VAC14: variants seen among roughly 807,000 people sequenced by gnomAD.
VAC14 encodes VAC14 component of PIKFYVE complex.
A neutral mutation model predicts 85.3 loss-of-function variants in VAC14; 47 were observed. The ratio of observed to expected loss-of-function variants is 0.55; its 90% CI spans 0.44 to 0.70. The LOEUF (loss-of-function observed/expected upper bound fraction) is 0.70. Among genes scored for constraint, VAC14 ranks in the 30% least tolerant of loss-of-function variants. VAC14 has a pLI of 0.00. For synonymous variants in VAC14, 447 were observed against 430.5 expected (o/e 1.04, Z -0.47); for missense variants, 861 against 1,004.3 (o/e 0.86, Z 1.93).
At chr16:70,700,939 G>A (rs949008288) in intron 14 of VAC14, among the ~76,000 whole-genome samples, 2 of 152,250 alleles carry the variant, frequency 1.3e-5, no homozygotes, top group Non-Finnish European at 2.9e-5. Flanking sequence ...GGGCAGGGTG[G>A]TGCCCATGTG....
intron 13 of VAC14, among the ~76,000 whole-genome samples, chr16:70,740,644 G>T (rs1418906853): frequency 6.6e-6 from 1 of 152,206 alleles, no homozygotes; most frequent in African/African-American, 2.4e-5. Flanking sequence ...AAAAGGAGGA[G>T]ACACAGGAGA....
At chr16:70,792,754 C>T (rs2034392983) in intron 1 of VAC14, among the ~76,000 whole-genome samples, 1 of 152,136 alleles carries the variant, frequency 6.6e-6, no homozygotes, top group Admixed American at 6.5e-5. Context: ...GCCACAGGAC[C>T]CCTTAGCTTA....
At chr16:70,772,004 C>T (rs2033256205) in intron 10 of VAC14, 105 bp downstream of exon 10, 1 of 1,022,628 alleles carries the variant, frequency 9.8e-7, no homozygotes, top group South Asian at 1.4e-5. Flanking sequence ...AAAGCAGCAG[C>T]CGCGAGTAGA....
rs2033907333 is a variant in VAC14 at position 70,783,455 on chromosome 16, T to A, written c.694A>T (p.Ile232Phe). 6.2e-7 allele frequency: 1 copy of A among 1,613,918 alleles called. No homozygotes were observed. Among genetic ancestry groups the A allele is most frequent in the Non-Finnish European group, 8.5e-7 (1 of 1,180,026 alleles). Residue 232 changes from isoleucine to phenylalanine, a missense_variant, in exon 6 of 19, where the codon ATT (isoleucine) becomes TTT (phenylalanine). Ile to Phe is a conservative substitution (Grantham distance 21). Coordinates refer to ENST00000261776, the MANE Select transcript of VAC14 (RefSeq NM_018052.5). ...FQILGDNGKEIRKMCEVVLGE... is the reference protein window; with the variant it reads ...FQILGDNGKEFRKMCEVVLGE... Reference sequence around the variant, plus strand: ...CCTTACTCCACTCACATTTTGCGAATCTCTTTGCCATTGTCACCCAGGATC... The same window carrying A: ...CCTTACTCCACTCACATTTTGCGAAACTCTTTGCCATTGTCACCCAGGATC...
At chr16:70,689,587 C>T in intron 18 of VAC14, 1 of 985,716 alleles carries the variant, frequency 1.0e-6, no homozygotes. Context: ...TGCCTGCCCA[C>T]ACCTGTTCCC....
intron 14 of VAC14, among the ~76,000 whole-genome samples, chr16:70,702,220 C>T (rs1732224277): frequency 6.6e-6 from 1 of 151,462 alleles, no homozygotes; most frequent in African/African-American, 2.4e-5. Context: ...CATTTTTGCC[C>T]TTGTCACCCA....
In VAC14 at chr16:70,798,685, A is replaced by T. The variant is rs531029205; in HGVS notation, c.104+2112T>A. On this transcript the variant is annotated intron_variant, in intron 1 of 18. Coordinates refer to ENST00000261776, the MANE Select transcript of VAC14 (RefSeq NM_018052.5). Reference sequence around the variant, plus strand: ...TAATGTGCACACAAATCACCCAGGGATCTTGTTAAAATGCAGATTCTGATT... The same window carrying T: ...TAATGTGCACACAAATCACCCAGGGTTCTTGTTAAAATGCAGATTCTGATT... Among the ~76,000 whole-genome samples the T allele has an allele frequency of 1.1e-4, 17 of 152,292 alleles. No homozygotes were observed. The East Asian group carries it at 3.1e-3, about 28-fold the overall frequency.
At position 70,687,899 on chromosome 16, in the gene VAC14, T is replaced by G; in HGVS notation, c.*29A>C. 1 of 1,479,448 alleles carries G rather than the reference T, an allele frequency of 6.8e-7. No homozygotes were observed. Among genetic ancestry groups the G allele is most frequent in the Non-Finnish European group, 9.0e-7 (1 of 1,106,674 alleles). 91.6% of individuals were successfully genotyped at this position (1,479,448 alleles called of 1,614,324 possible). A position where few individuals can be genotyped will look rare whatever the true frequency, so the allele number is the denominator to read the frequency against. On this transcript the variant is annotated 3_prime_UTR_variant, in exon 19 of 19. Transcript: ENST00000261776. ...GACCCTTAGTGTTTCATGGGACCACTCGGTGGGCCCTCCTCCGTGCCAGGC... is the reference window on the plus strand; with the variant it reads ...GACCCTTAGTGTTTCATGGGACCACGCGGTGGGCCCTCCTCCGTGCCAGGC...
At position 70,687,921 on chromosome 16, in the gene VAC14, A is replaced by C. The variant is rs2053526910; in HGVS notation, c.*7T>G. 3.3e-6 allele frequency: 5 copies of C among 1,529,836 alleles called. No homozygotes were observed. The highest frequency in any genetic ancestry group is 4.4e-6 in the Non-Finnish European group (5 of 1,132,202). 94.8% of individuals were successfully genotyped at this position (1,529,836 alleles called of 1,614,324 possible). On this transcript the variant is annotated 3_prime_UTR_variant, in exon 19 of 19. Transcript: ENST00000261776. ...CACTCGGTGGGCCCTCCTCCGTGCC[A>C]GGCCTGTCAGAGGACAACCCTCCGG...
At chr16:70,777,463 A>G (rs928122523) in intron 9 of VAC14, among the ~76,000 whole-genome samples, 9 of 152,226 alleles carry the variant, frequency 5.9e-5, no homozygotes, top group African/African-American at 2.2e-4. Flanking sequence ...ACTCATAGGC[A>G]GGTTGTTCAG....
At chr16:70,692,679 A>G in intron 18 of VAC14, 142 bp downstream of exon 18, 1 of 1,093,256 alleles carries the variant, frequency 9.1e-7, no homozygotes, top group Non-Finnish European at 1.3e-6. Flanking sequence ...TGCGGGGGGG[A>G]TGGTGGTCAC....
intron 13 of VAC14, among the ~76,000 whole-genome samples, chr16:70,740,386 T>A (rs903866018): frequency 6.6e-6 from 1 of 152,182 alleles, no homozygotes; most frequent in South Asian, 2.1e-4. Context: ...TTACTGTGCA[T>A]GGCTAAGGAT....
intron 14 of VAC14, among the ~76,000 whole-genome samples, chr16:70,705,995 C>G (rs2142993977): frequency 6.6e-6 from 1 of 152,296 alleles, no homozygotes; most frequent in African/African-American, 2.4e-5. Context: ...ACTGCCCAAC[C>G]ACCCCAAGAA....
At chr16:70,706,934 CA>C (rs2053931693) in intron 14 of VAC14, among the ~76,000 whole-genome samples, 7 of 152,188 alleles carry the variant, frequency 4.6e-5, no homozygotes, top group Admixed American at 4.6e-4. Context: ...AACCTAATAT[CA>C]AGGCTACAAA....
At chr16:70,775,793 T>G (rs2033486447) in intron 9 of VAC14, among the ~76,000 whole-genome samples, 1 of 150,882 alleles carries the variant, frequency 6.6e-6, no homozygotes, top group South Asian at 2.1e-4. Context: ...TAATGTGGCA[T>G]CAGAAATTGG....
intron 14 of VAC14, among the ~76,000 whole-genome samples, chr16:70,713,554 T>A (rs2054083222): frequency 6.6e-6 from 1 of 152,196 alleles, no homozygotes; most frequent in African/African-American, 2.4e-5. Context: ...GAGGGCAGGC[T>A]TGAGGAGACA....
Position 70,800,852 on chromosome 16 carries a change from C to T in VAC14, c.49G>A (p.Ala17Thr), listed in dbSNP as rs752917482. 1 of 1,608,588 alleles carries T rather than the reference C, an allele frequency of 6.2e-7. No individual in the cohort carries two copies. The highest frequency in any genetic ancestry group is 8.5e-7 in the Non-Finnish European group (1 of 1,177,602). Residue 17 changes from alanine (A) to threonine (T), a missense_variant, in exon 1 of 19, where the codon GCC (alanine) becomes ACC (threonine). This residue lies in a region of VAC14 where 629 missense variants were observed against 703.1 expected (regional missense o/e 0.89). Coordinates refer to ENST00000261776, the MANE Select transcript of VAC14 (RefSeq NM_018052.5). ...TTTTCGTACAGCTTGTCATTGAGGG[C>T]GCGCACGATGTTAGGCGTGAGCGGC... is the stretch of plus-strand genomic sequence containing the variant. ...FAPLTPNIVRALNDKLYEKRK... is the reference protein window; with the variant it reads ...FAPLTPNIVRTLNDKLYEKRK...
intron 14 of VAC14, among the ~76,000 whole-genome samples, chr16:70,730,961 G>A (rs1228393735): frequency 6.6e-6 from 1 of 152,200 alleles, no homozygotes; most frequent in African/African-American, 2.4e-5. Flanking sequence ...CCACTCTTCT[G>A]CTACTTCTTG....
At chr16:70,793,207 G>C (rs1456345796) in intron 1 of VAC14, among the ~76,000 whole-genome samples, 2 of 152,210 alleles carry the variant, frequency 1.3e-5, no homozygotes, top group Non-Finnish European at 1.5e-5. Flanking sequence ...GTACAGAGGA[G>C]GTGCCTACTT....
Sources: allele counts gnomAD v4.1 joint callset (sites outside exome capture counted in the v4.1 genomes callset), GRCh38; gene constraint gnomAD v4.1.1; regional missense constraint gnomAD v4.1.1; transcripts MANE v1.5; gene names NCBI Gene and HGNC (gene_info 2026-07-23, HGNC 2026-07-21).